Variants in DNAH2 observed in about 807,000 individuals in gnomAD.
DNAH2 encodes the protein dynein axonemal heavy chain 2.
A neutral mutation model predicts 523.5 loss-of-function variants in DNAH2; 323 were observed. The observed-to-expected ratio is 0.62, with a 90% confidence interval of 0.56 to 0.68. The LOEUF (loss-of-function observed/expected upper bound fraction) is 0.68. DNAH2 is among the 30% of genes least tolerant of loss of function. DNAH2 has a pLI of 0.00. For synonymous variants in DNAH2, 2,093 were observed against 2,177.4 expected (o/e 0.96, Z 1.08); for missense variants, 4,907 against 5,701.5 (o/e 0.86, Z 4.49).
At chr17:7,722,303 C>T (rs1186836538) in intron 2 of DNAH2, among the ~76,000 whole-genome samples, 2 of 152,146 alleles carry the variant, frequency 1.3e-5, no homozygotes, top group African/African-American at 2.4e-5. Context: ...TCGTGCCCGG[C>T]CCCCAGTCAG....
chr17:7,725,441 T>TATATA (rs398119671), intron 3 of DNAH2, among the ~76,000 whole-genome samples: 1 of 136,970 alleles, frequency 7.3e-6, no homozygotes, highest in Non-Finnish European at 1.6e-5. Flanking sequence ...TATATATATA[T>TATATA]TTTCTTTTTG....
chr17:7,762,734 G>A (rs912123774), intron 18 of DNAH2, among the ~76,000 whole-genome samples: 1 of 152,120 alleles, frequency 6.6e-6, no homozygotes, highest in Non-Finnish European at 1.5e-5. Context: ...GAGTCCATGA[G>A]CACGTTCACC....
rs982968257 is a variant in DNAH2, at chr17:7,768,122, G to A, written c.3838-42G>A. ...GGTGGAGGATCTGGGTCTGTTCCCA[G>A]GGAGGTCGTCGGGTCTTCTCATGCC... On this transcript the variant is annotated intron_variant, in intron 23 of 85. Transcript: ENST00000572933. The A allele has an allele frequency of 3.0e-5, 49 of 1,614,092 alleles. No individual in the cohort carries two copies. The East Asian group carries it at 1.0e-3, about 33-fold the overall frequency.
At chr17:7,748,288 G>T (rs1316021787) in intron 12 of DNAH2, among the ~76,000 whole-genome samples, 2 of 152,168 alleles carry the variant, frequency 1.3e-5, no homozygotes, top group African/African-American at 2.4e-5. Context: ...CCTGAGAGGA[G>T]GAGACGAGAT....
chr17:7,798,178 T>C lies in DNAH2; in HGVS notation c.8252T>C (p.Ile2751Thr). The change falls in exon 54 of 86, where the codon ATT becomes ACT. Residue 2751 changes from isoleucine (I) to threonine (T), a missense_variant. Ile to Thr is a moderately conservative substitution (Grantham distance 89). Transcript: ENST00000572933. This position sits in a 1 kb window ranked among gnomAD's most constrained non-coding sequence, Gnocchi z 5.5. ...IEHITRIVRVIGQPRGNMLLV... is the reference protein window; with the variant it reads ...IEHITRIVRVTGQPRGNMLLV... ...CCAGTCACACGGATCGTGCGGGTCA[T>C]TGGACAGCCTCGGGGCAACATGCTC... The C allele has an allele frequency of 6.2e-7, 1 of 1,606,668 alleles. No individual in the cohort carries two copies. The highest frequency in any genetic ancestry group is 8.5e-7 in the Non-Finnish European group (1 of 1,174,168).
intron 63 of DNAH2, among the ~76,000 whole-genome samples, chr17:7,814,987 T>C (rs1350941448): frequency 6.6e-6 from 1 of 152,242 alleles, no homozygotes; most frequent in Non-Finnish European, 1.5e-5. Flanking sequence ...TCTTTCTTTC[T>C]TTTTGAGACA....
Position 7,792,839 on chromosome 17 carries a change from T to G in DNAH2, c.7328T>G (p.Val2443Gly). The G allele has an allele frequency of 1.2e-6, 2 of 1,614,106 alleles. No individual in the cohort carries two copies. Among genetic ancestry groups the G allele is most frequent in the African/African-American group, 2.7e-5 (2 of 75,036 alleles). Residue 2443 changes from valine (V) to glycine (G), a missense_variant, in exon 47 of 86, where the codon GTC becomes GGC. By Grantham distance (109) the Val-to-Gly change is moderately radical (BLOSUM62 -3). Transcript: ENST00000572933. Reference sequence around the variant, plus strand: ...TCCAGCCAGTGGTCGGTGCTCGTTGTCAACATGTCCGCACAGGTGTGTCGG... The same window carrying G: ...TCCAGCCAGTGGTCGGTGCTCGTTGGCAACATGTCCGCACAGGTGTGTCGG... ...LPSSQWSVLV[V>G]NMSAQTTSNN...
At position 7,816,647 on chromosome 17, in the gene DNAH2, C is replaced by T; in HGVS notation, c.9806C>T (p.Ser3269Phe). ...CAGAAGGAGGAGCTTCGCAAGAAGT[C>T]TGAAGAGATGGAGCTGAAGCTGGAG... is the stretch of plus-strand genomic sequence containing the variant. ...LAQKEELRKK[S>F]EEMELKLERA... is the part of the protein sequence containing the mutation. The change falls in exon 64 of 86, where the codon TCT (serine) becomes TTT (phenylalanine). Residue 3269 changes from serine (S) to phenylalanine (F), a missense_variant. Ser to Phe is a radical substitution (Grantham distance 155). This residue lies in a region of DNAH2 where 1,851 missense variants were observed against 2,139.4 expected (regional missense o/e 0.87). Coordinates refer to ENST00000572933, the MANE Select transcript of DNAH2 (RefSeq NM_020877.5). 6.2e-7 allele frequency: 1 copy of T among 1,614,220 alleles called. No individual in the cohort carries two copies. Among genetic ancestry groups the T allele is most frequent in the Non-Finnish European group, 8.5e-7 (1 of 1,180,048 alleles).
rs770296293 is a variant in DNAH2 at position 7,771,323 on chromosome 17, C to T, written c.4363-7C>T. 4.3e-6 allele frequency: 7 copies of T among 1,614,022 alleles called. No individual in the cohort carries two copies. The highest frequency in any genetic ancestry group is 2.7e-5 in the African/African-American group (2 of 74,978). Reference sequence around the variant, plus strand: ...TGGCCTCTCACCCCAACTTTTGGCCCCCTCAGAATATCTTCCTAGGAGAAG... The same window carrying T: ...TGGCCTCTCACCCCAACTTTTGGCCTCCTCAGAATATCTTCCTAGGAGAAG... On this transcript the variant is annotated splice_region_variant and splice_polypyrimidine_tract_variant and intron_variant, in intron 27 of 85. Transcript: ENST00000572933.
At chr17:7,809,169 A>C (rs1345490452) in intron 63 of DNAH2, among the ~76,000 whole-genome samples, 4 of 152,180 alleles carry the variant, frequency 2.6e-5, no homozygotes, top group African/African-American at 9.6e-5. Context: ...ACAATTTCAA[A>C]CTGTTTTACC....
At chr17:7,758,860 C>G (rs781480055) in intron 14 of DNAH2, 25 bp from the exon 15 acceptor site, 2 of 1,611,128 alleles carry the variant, frequency 1.2e-6, no homozygotes, top group South Asian at 2.2e-5. Context: ...AGCTGAAACT[C>G]CCCCATGACG....
chr17:7,824,466 A>G, intron 76 of DNAH2, 71 bp from the exon 77 acceptor site: 2 of 1,409,790 alleles, frequency 1.4e-6, no homozygotes, highest in Non-Finnish European at 1.9e-6. Context: ...CCACCCCAAC[A>G]CCAGGTGGAA....
At chr17:7,792,906 G>T in intron 47 of DNAH2, 51 bp downstream of exon 47, 1 of 1,604,154 alleles carries the variant, frequency 6.2e-7, no homozygotes, top group Non-Finnish European at 8.5e-7. Context: ...GGATCCAAGT[G>T]CCTGCCTGAC....
intron 12 of DNAH2, among the ~76,000 whole-genome samples, chr17:7,747,266 G>A (rs537674990): frequency 9.9e-5 from 15 of 151,870 alleles, no homozygotes; most frequent in Admixed American, 3.3e-4. Flanking sequence ...ACTGCACCCC[G>A]TCACACCTTG....
chr17:7,777,975 T>A, intron 33 of DNAH2, 102 bp from the exon 34 acceptor site: 2 of 1,119,666 alleles, frequency 1.8e-6, no homozygotes, highest in South Asian at 2.8e-5. Context: ...ATCCCTTCAC[T>A]GCAGCCTCCC....
chr17:7,721,234 T>C (rs1160989509), intron 2 of DNAH2, among the ~76,000 whole-genome samples: 1 of 151,946 alleles, frequency 6.6e-6, no homozygotes, highest in Non-Finnish European at 1.5e-5. Flanking sequence ...AGTGCAGTGG[T>C]GCGATCTCAG....
chr17:7,734,353 C>A, intron 6 of DNAH2, 60 bp downstream of exon 6: 1 of 1,601,892 alleles, frequency 6.2e-7, no homozygotes, highest in Non-Finnish European at 8.5e-7. Flanking sequence ...AAAGGGGAGG[C>A]TCGGATGCTG....
chr17:7,764,345 TC>T, intron 20 of DNAH2, 72 bp downstream of exon 20: 2 of 1,532,462 alleles, frequency 1.3e-6, no homozygotes, highest in Non-Finnish European at 8.8e-7. Flanking sequence ...CCCTTGGCTG[TC>T]CTCGGGGAGA....
At chr17:7,793,450 T>C (rs996031510) in intron 48 of DNAH2, among the ~76,000 whole-genome samples, 2 of 94,510 alleles carry the variant, frequency 2.1e-5, no homozygotes, top group African/African-American at 8.3e-5. Flanking sequence ...TCTTTCTTTT[T>C]CTTTCTTTCT....
Sources: gnomAD v4.1 joint callset for allele counts (sites outside exome capture counted in the v4.1 genomes callset) on GRCh38, gnomAD v4.1.1 for gene constraint, gnomAD v4.1.1 regional missense constraint, Gnocchi (gnomAD v3.1) non-coding constraint, MANE v1.5 for transcripts, NCBI Gene and HGNC (gene_info 2026-07-23, HGNC 2026-07-21) for gene names.